The following MAPK14 variants were observed in gnomAD, a reference collection of about 807,000 sequenced individuals.
MAPK14 encodes the protein mitogen-activated protein kinase 14.
In MAPK14, 16 loss-of-function variants were observed where a neutral mutation model predicts 49.6. The ratio of observed to expected loss-of-function variants is 0.32; its 90% CI spans 0.22 to 0.49. MAPK14 has a LOEUF of 0.49. MAPK14 is among the 20% of genes least tolerant of loss of function. The probability of loss-of-function intolerance (pLI) is 0.99; values close to 1 mark genes in which losing one functional copy is unlikely to be tolerated. For synonymous variants in MAPK14, 142 were observed against 158.0 expected (o/e 0.90, Z 0.76); for missense variants, 200 against 441.2 (o/e 0.45, Z 4.90).
intron 8 of MAPK14, among the ~76,000 whole-genome samples, chr6:36,080,591 A>G (rs186898902): frequency 5.3e-5 from 8 of 152,330 alleles, no homozygotes; most frequent in Admixed American, 3.3e-4. Flanking sequence ...TGACCTGTTC[A>G]TCTGTTAGTA....
At chr6:36,093,720 C>CAAA (rs11343231) in intron 8 of MAPK14, among the ~76,000 whole-genome samples, 870 of 82,350 alleles carry the variant, frequency 0.011, no homozygotes, top group East Asian at 0.02. Flanking sequence ...GACTCCGTCT[C>CAAA]AAAAAAAAAA....
At chr6:36,077,678 C>G (rs1764587097) in intron 8 of MAPK14, among the ~76,000 whole-genome samples, 1 of 152,102 alleles carries the variant, frequency 6.6e-6, no homozygotes, top group African/African-American at 2.4e-5. Flanking sequence ...TCAGGTAAAG[C>G]TGTTTCTTTC....
intron 9 of MAPK14, among the ~76,000 whole-genome samples, chr6:36,099,854 C>G (rs1355035942): frequency 6.6e-6 from 1 of 152,156 alleles, no homozygotes; most frequent in Non-Finnish European, 1.5e-5. Context: ...AGGTTTTGGC[C>G]ATCAGTACTT....
intron 1 of MAPK14, among the ~76,000 whole-genome samples, chr6:36,036,875 G>A (rs1762772393): frequency 6.6e-6 from 1 of 152,056 alleles, no homozygotes; most frequent in South Asian, 2.1e-4. Context: ...CGAGTAGCTG[G>A]GATTACAGGT....
chr6:36,097,455 G>A (rs1027309565), intron 9 of MAPK14: 1 of 152,182 alleles, frequency 6.6e-6, no homozygotes, highest in African/African-American at 2.4e-5. Context: ...AAAGATATCA[G>A]ATGATGCTTA....
intron 1 of MAPK14, among the ~76,000 whole-genome samples, chr6:36,047,791 A>C (rs1303141666): frequency 6.7e-6 from 1 of 150,046 alleles, no homozygotes; most frequent in Non-Finnish European, 1.5e-5. Context: ...GCTGGAGTGC[A>C]ATGGCATGAT....
chr6:36,074,739 C>T (rs1764450975), intron 6 of MAPK14, among the ~76,000 whole-genome samples: 1 of 151,868 alleles, frequency 6.6e-6, no homozygotes, highest in Non-Finnish European at 1.5e-5. Flanking sequence ...CCTCAGCCTC[C>T]CGAGTAGCTG....
At chr6:36,069,745 G>T (rs1274945530) in intron 3 of MAPK14, among the ~76,000 whole-genome samples, 2 of 151,994 alleles carry the variant, frequency 1.3e-5, no homozygotes. Flanking sequence ...TGCAGTCAGT[G>T]GTCCTCTGGC....
the MAPK14 span, among the ~76,000 whole-genome samples, chr6:36,116,629 C>T: frequency 6.6e-6 from 1 of 151,988 alleles, no homozygotes; most frequent in Non-Finnish European, 1.5e-5. Context: ...GTATGATAAC[C>T]AAAAATGGCC....
chr6:36,072,660 G>T (rs772834142), intron 3 of MAPK14, among the ~76,000 whole-genome samples: 1 of 152,064 alleles, frequency 6.6e-6, no homozygotes. Context: ...AGCAACTCGG[G>T]AGGCTGAGGC....
chr6:36,091,020 G>A (rs1401276717), intron 8 of MAPK14, among the ~76,000 whole-genome samples: 2 of 152,146 alleles, frequency 1.3e-5, no homozygotes, highest in Admixed American at 1.3e-4. Context: ...TCTGTCACCA[G>A]GAAGATTTCC....
At chr6:36,066,395 A>G (rs547612846) in intron 3 of MAPK14, among the ~76,000 whole-genome samples, 2 of 149,422 alleles carry the variant, frequency 1.3e-5, no homozygotes, top group East Asian at 1.9e-4. Flanking sequence ...TCCAATTGCT[A>G]TGGTCTTATT....
Position 36,073,672 on chromosome 6 carries a change from A to G in MAPK14, c.418-19A>G, listed in dbSNP as rs1282656767. On this transcript the variant is annotated intron_variant, in intron 4 of 11. Transcript: ENST00000229794. ...CAATAGAAGGTTGGAGGTAACTTTG[A>G]CTTTTTTCTCTTTTGCAGTATATAC... 3 of 1,607,822 alleles carry G rather than the reference A, an allele frequency of 1.9e-6. No homozygotes were observed. The highest frequency in any genetic ancestry group is 2.6e-6 in the Non-Finnish European group (3 of 1,176,354).
intron 1 of MAPK14, among the ~76,000 whole-genome samples, chr6:36,044,022 C>T (rs1237669931): frequency 1.3e-5 from 2 of 151,852 alleles, no homozygotes. Flanking sequence ...GTTGGTCAGG[C>T]TGGTCGCGAA....
intron 8 of MAPK14, among the ~76,000 whole-genome samples, chr6:36,093,733 A>T (rs1298662737): frequency 6.6e-6 from 1 of 151,774 alleles, no homozygotes; most frequent in Admixed American, 6.6e-5. Flanking sequence ...AAAAAAAAAA[A>T]AAAAAAAAAA....
At chr6:36,102,033 T>C (rs1765656733) in intron 9 of MAPK14, among the ~76,000 whole-genome samples, 1 of 152,238 alleles carries the variant, frequency 6.6e-6, no homozygotes, top group Admixed American at 6.5e-5. Flanking sequence ...TTATCTCTAA[T>C]CTTCACTCCA....
At chr6:36,083,591 G>A (rs1562137635) in intron 8 of MAPK14, among the ~76,000 whole-genome samples, 1 of 152,198 alleles carries the variant, frequency 6.6e-6, no homozygotes, top group Non-Finnish European at 1.5e-5. Flanking sequence ...GGCACATCAT[G>A]GCCAGACTGA....
intron 9 of MAPK14, chr6:36,096,695 C>T (rs371964651): frequency 6.6e-6 from 1 of 152,358 alleles, no homozygotes. Context: ...ACCTCAGATA[C>T]ACAGGAATGT....
intron 3 of MAPK14, among the ~76,000 whole-genome samples, chr6:36,065,547 T>TGTGTGTGTGTGTG (rs1581777404): frequency 4.1e-5 from 6 of 145,430 alleles, no homozygotes; most frequent in South Asian, 2.2e-4. Context: ...TGTGTGTGTG[T>TGTGTGTGTGTGTG]TTGGTGGGAA....
Sources: gnomAD v4.1 joint callset for allele counts (sites outside exome capture counted in the v4.1 genomes callset) on GRCh38, gnomAD v4.1.1 for gene constraint, MANE v1.5 for transcripts, NCBI Gene and HGNC (gene_info 2026-07-23, HGNC 2026-07-21) for gene names.